Variants in SRCIN1 observed in about 807,000 individuals in gnomAD.
SRCIN1 encodes the protein P130Cas-associated protein.
Under a neutral mutation model 116.2 loss-of-function variants are expected in SRCIN1, and 50 were observed. The ratio of observed to expected loss-of-function variants is 0.43; its 90% CI spans 0.34 to 0.54. The LOEUF is 0.54. Ranked by LOEUF, SRCIN1 falls within the 20% of genes least tolerant of loss-of-function variation. SRCIN1 has a pLI of 0.02. For missense variants in SRCIN1, 1,446 were observed against 1,672.0 expected, an observed-to-expected ratio of 0.86 and a Z score of 2.36; for synonymous variants, 736 against 750.0, an observed-to-expected ratio of 0.98 and a Z score of 0.30.
intron 2 of SRCIN1, among the ~76,000 whole-genome samples, chr17:38,573,099 T>C (rs896837098): frequency 3.3e-5 from 5 of 152,196 alleles, no homozygotes; most frequent in Non-Finnish European, 5.9e-5. Context: ...GGGCTTTGGC[T>C]TGGAGTCCAA....
intron 18 of SRCIN1, among the ~76,000 whole-genome samples, chr17:38,534,188 A>G (rs1171077185): frequency 1.3e-5 from 2 of 152,120 alleles, no homozygotes; most frequent in African/African-American, 4.8e-5. Context: ...GGACTCCCGC[A>G]ACTCCACCGG....
chr17:38,535,395 C>T (rs1013135226), intron 18 of SRCIN1, among the ~76,000 whole-genome samples: 3 of 151,968 alleles, frequency 2.0e-5, no homozygotes, highest in African/African-American at 7.3e-5. Flanking sequence ...TTTAGTAAGA[C>T]GAGGTTTCTC....
At chr17:38,587,605 A>T (rs547976085) in intron 1 of SRCIN1, among the ~76,000 whole-genome samples, 213 of 152,004 alleles carry the variant, frequency 1.4e-3, no homozygotes, top group Non-Finnish European at 2.5e-3. Context: ...GGATTTTTCC[A>T]TTCCACGATG....
intron 18 of SRCIN1, among the ~76,000 whole-genome samples, chr17:38,535,822 T>C (rs1288688376): frequency 6.6e-6 from 1 of 152,154 alleles, no homozygotes; most frequent in Non-Finnish European, 1.5e-5. Context: ...CCCTGATGTC[T>C]CTTCACACCT....
Position 38,548,829 on chromosome 17 carries a change from C to G in SRCIN1, c.3118-120G>C, listed in dbSNP as rs900250017. On this transcript the variant is annotated intron_variant, in intron 16 of 18. Coordinates refer to ENST00000617146, the MANE Select transcript of SRCIN1 (RefSeq NM_025248.3). ...CGTCTGCTACTTCTGCTGCTACACCCCTGCCAGGGTGTCCCTCAACAGACA... is the reference window on the plus strand; with the variant it reads ...CGTCTGCTACTTCTGCTGCTACACCGCTGCCAGGGTGTCCCTCAACAGACA... The G allele has an allele frequency of 2.2e-6, 3 of 1,379,052 alleles. No individual in the cohort carries two copies. The African/African-American group carries it at 4.4e-5, about 20-fold the overall frequency. 85.4% of individuals were successfully genotyped at this position (1,379,052 alleles called of 1,614,324 possible).
chr17:38,571,487 A>AC (rs1907073288), intron 2 of SRCIN1, among the ~76,000 whole-genome samples: 1 of 151,878 alleles, frequency 6.6e-6, no homozygotes, highest in African/African-American at 2.4e-5. Flanking sequence ...AACACCAGAA[A>AC]CCCCCCAGTT....
chr17:38,600,420 G>T (rs906236696), intron 1 of SRCIN1, among the ~76,000 whole-genome samples: 6 of 152,250 alleles, frequency 3.9e-5, no homozygotes, highest in East Asian at 1.9e-4. Flanking sequence ...CCTGCAGGGG[G>T]CCTGGGCCCC....
chr17:38,606,431 G>A (rs1420159554), upstream of SRCIN1, among the ~76,000 whole-genome samples: 2 of 152,074 alleles, frequency 1.3e-5, no homozygotes, highest in African/African-American at 4.8e-5. This position sits in a 1 kb window ranked among gnomAD's most constrained non-coding sequence, Gnocchi z 5.2. Flanking sequence ...GGAGCGCCCG[G>A]ATCCTCCTCT....
chr17:38,553,189 T>A (rs534547309), intron 11 of SRCIN1, among the ~76,000 whole-genome samples: 28 of 152,284 alleles, frequency 1.8e-4, no homozygotes, highest in African/African-American at 4.3e-4. Context: ...CCCAGGAGGT[T>A]GAGGCTGCAG....
At chr17:38,588,233 TGG>T (rs370738043) in intron 1 of SRCIN1, among the ~76,000 whole-genome samples, 2 of 152,000 alleles carry the variant, frequency 1.3e-5, no homozygotes, top group African/African-American at 4.8e-5. Context: ...CCCAGGACTG[TGG>T]GGTTGTGATT....
At chr17:38,535,156 T>TG (rs1368290163) in intron 18 of SRCIN1, among the ~76,000 whole-genome samples, 5 of 150,406 alleles carry the variant, frequency 3.3e-5, no homozygotes, top group African/African-American at 1.2e-4. Flanking sequence ...TGTTTTGTTA[T>TG]TTATTTATTT....
In SRCIN1 at chr17:38,578,507, C is replaced by T. The variant is rs1176272805; in HGVS notation, c.307G>A (p.Asp103Asn). Reference sequence around the variant, plus strand: ...CCACTCACCTGCTCTCGCATCCTGTCCTGCTGGCCTCGCAGGGCCAGGGCG... The same window carrying T: ...CCACTCACCTGCTCTCGCATCCTGTTCTGCTGGCCTCGCAGGGCCAGGGCG... ...QHALALRGQQ[D>N]RMREQPNYWS... Residue 103 changes from aspartate to asparagine, a missense_variant, in exon 2 of 19, where the codon GAC (aspartate) becomes AAC (asparagine). Transcript: ENST00000617146. 6.3e-7 allele frequency: 1 copy of T among 1,591,850 alleles called. No individual in the cohort carries two copies. The highest frequency in any genetic ancestry group is 1.3e-5 in the African/African-American group (1 of 74,266).
upstream of SRCIN1, among the ~76,000 whole-genome samples, chr17:38,606,770 C>T (rs1037135155): frequency 3.9e-5 from 6 of 152,202 alleles, no homozygotes; most frequent in Non-Finnish European, 8.8e-5. The surrounding 1 kb of genome is among the most constrained non-coding windows in gnomAD (Gnocchi z 5.2). Context: ...CCTGTTGGCT[C>T]CGCAGACTTC....
At chr17:38,561,134 T>C (rs1040247719) in intron 7 of SRCIN1, among the ~76,000 whole-genome samples, 1 of 152,136 alleles carries the variant, frequency 6.6e-6, no homozygotes, top group African/African-American at 2.4e-5. Flanking sequence ...GGAAAGCCAC[T>C]AAAAGTGGTT....
chr17:38,582,601 T>C (rs1014333973), intron 1 of SRCIN1, among the ~76,000 whole-genome samples: 1 of 152,020 alleles, frequency 6.6e-6, no homozygotes, highest in Non-Finnish European at 1.5e-5. Context: ...GGGCAGGAGC[T>C]AGATACTAAG....
Position 38,568,193 on chromosome 17 carries a change from G to A in SRCIN1, c.345+18C>T, listed in dbSNP as rs533024866. ...AGCACATGCAGTTGTCATGGGAGCA[G>A]AGGCATCACACACTGACCTTGAAAC... On this transcript the variant is annotated intron_variant, in intron 3 of 18. Coordinates refer to ENST00000617146, the MANE Select transcript of SRCIN1 (RefSeq NM_025248.3). This position sits in a 1 kb window ranked among gnomAD's most constrained non-coding sequence, Gnocchi z 4.5. 6.2e-7 allele frequency: 1 copy of A among 1,613,202 alleles called. No individual in the cohort carries two copies. The highest frequency in any genetic ancestry group is 2.2e-5 in the East Asian group (1 of 44,872).
Position 38,578,740 on chromosome 17 carries a change from G to A in SRCIN1, c.74C>T (p.Pro25Leu). 6.5e-7 allele frequency: 1 copy of A among 1,529,018 alleles called. No individual in the cohort carries two copies. The highest frequency in any genetic ancestry group is 8.8e-7 in the Non-Finnish European group (1 of 1,142,358). The allele number at this position is 1,529,018 out of a possible 1,614,324, so 94.7% of individuals were successfully genotyped here. Residue 25 changes from proline (P) to leucine (L), a missense_variant, in exon 2 of 19, where the codon CCG becomes CTG. Physicochemically the swap from Pro to Leu is moderately conservative, Grantham distance 98. This residue lies in a region of SRCIN1 where 246 missense variants were observed against 265.1 expected (regional missense o/e 0.93). Coordinates refer to ENST00000617146, the MANE Select transcript of SRCIN1 (RefSeq NM_025248.3). ...PMLSADDAEY[P>L]REYRTLGGGG... ...GCCCCCCAGGGTCCGGTACTCCCGC[G>A]GGTACTCCGCATCGTCCGCAGACAG... is the stretch of plus-strand genomic sequence containing the variant.
intron 18 of SRCIN1, among the ~76,000 whole-genome samples, chr17:38,535,135 G>T (rs57040769): frequency 1.2e-4 from 18 of 145,524 alleles, no homozygotes; most frequent in African/African-American, 3.7e-4. Context: ...CTGTTTTTTT[G>T]TTTGTTTGTT....
rs1020033642 is a variant in SRCIN1, at chr17:38,558,334, C to G, written c.2094G>C (p.Ser698=). The change falls in exon 11 of 19, where the codon TCG becomes TCC. Residue 698 remains serine (S), a synonymous_variant. Coordinates refer to ENST00000617146, the MANE Select transcript of SRCIN1 (RefSeq NM_025248.3). The surrounding 1 kb of genome is among the most constrained non-coding windows in gnomAD (Gnocchi z 4.6). ...RTEAELSMRV[S]EAARRQEDPL... ...GGTCCTCCTGCCGCCGCGCCGCCTCCGACACGCGCATGCTCAGCTCTGCCT... is the reference window on the plus strand; with the variant it reads ...GGTCCTCCTGCCGCCGCGCCGCCTCGGACACGCGCATGCTCAGCTCTGCCT... 2 of 1,609,766 alleles carry G rather than the reference C, an allele frequency of 1.2e-6. No individual in the cohort carries two copies. The highest frequency in any genetic ancestry group is 2.7e-5 in the African/African-American group (2 of 74,936).
Sources: allele counts gnomAD v4.1 joint callset (sites outside exome capture counted in the v4.1 genomes callset), GRCh38; gene constraint gnomAD v4.1.1; regional missense constraint gnomAD v4.1.1; non-coding constraint Gnocchi (gnomAD v3.1); transcripts MANE v1.5; gene names NCBI Gene and HGNC (gene_info 2026-07-23, HGNC 2026-07-21).